The following ASCC3 variants were observed in gnomAD, a reference collection of about 807,000 sequenced individuals.
ASCC3 encodes the protein activating signal cointegrator 1 complex subunit 3.
Under a neutral mutation model 256.3 loss-of-function variants are expected in ASCC3, and 158 were observed. The observed-to-expected ratio is 0.62, with a 90% confidence interval of 0.54 to 0.70. The LOEUF (loss-of-function observed/expected upper bound fraction) is 0.70, where lower values mean the gene tolerates loss of function less well. ASCC3 is among the 30% of genes least tolerant of loss of function. ASCC3 has a pLI of 0.00. For missense variants in ASCC3, 2,259 were observed against 2,626.0 expected (o/e 0.86, Z 3.05); for synonymous variants, 948 against 883.4 (o/e 1.07, Z -1.30).
intron 13 of ASCC3, among the ~76,000 whole-genome samples, chr6:100,690,968 CTTTAATA>C (rs1480514618): frequency 6.6e-6 from 1 of 152,112 alleles, no homozygotes; most frequent in Non-Finnish European, 1.5e-5. Context: ...TTAAAAATCA[CTTTAATA>C]TTTATCAGCT....
At chr6:100,511,133 T>G (rs1472595890) in intron 40 of ASCC3, among the ~76,000 whole-genome samples, 1 of 152,190 alleles carries the variant, frequency 6.6e-6, no homozygotes, top group Non-Finnish European at 1.5e-5. Flanking sequence ...TGGAATACAT[T>G]AAGTCATCTA....
Position 100,625,187 on chromosome 6 carries a change from C to CT in ASCC3, c.4785+4dup. On this transcript the variant is annotated splice_donor_region_variant and intron_variant, in intron 30 of 41. Coordinates refer to ENST00000369162, the MANE Select transcript of ASCC3 (RefSeq NM_006828.4). ...AAGTAGTAGAAGATAAAATATGTTG[C>CT]TTACCTCTCTTTCATCCATGTTTAA... 2 of 1,612,204 alleles carry CT rather than the reference C, an allele frequency of 1.2e-6. No homozygotes were observed. Among genetic ancestry groups the CT allele is most frequent in the Non-Finnish European group, 1.7e-6 (2 of 1,178,754 alleles).
chr6:100,878,648 G>T (rs949632406), intron 1 of ASCC3, among the ~76,000 whole-genome samples: 1 of 152,158 alleles, frequency 6.6e-6, no homozygotes, highest in Admixed American at 6.5e-5. Context: ...GCCTAGCACA[G>T]ATTATGTCTG....
intron 37 of ASCC3, among the ~76,000 whole-genome samples, chr6:100,527,377 TTATC>T (rs1774628763): frequency 1.3e-5 from 2 of 152,318 alleles, no homozygotes; most frequent in South Asian, 4.1e-4. Flanking sequence ...ACACAAGACT[TTATC>T]TACCATTTGC....
chr6:100,707,563 CTATT>C (rs958190891), intron 13 of ASCC3, among the ~76,000 whole-genome samples: 7 of 151,840 alleles, frequency 4.6e-5, no homozygotes, highest in African/African-American at 9.7e-5. Flanking sequence ...TTGTATTAAT[CTATT>C]TATTTATTTG....
intron 36 of ASCC3, among the ~76,000 whole-genome samples, chr6:100,582,482 T>G (rs1771348157): frequency 6.6e-6 from 1 of 151,652 alleles, no homozygotes. Flanking sequence ...GAAGGAGATT[T>G]TGGGCTGAGA....
intron 36 of ASCC3, among the ~76,000 whole-genome samples, chr6:100,586,215 T>C (rs1039772353): frequency 2.0e-5 from 3 of 152,222 alleles, no homozygotes; most frequent in Admixed American, 1.3e-4. Flanking sequence ...GCAGGCCTCC[T>C]TGAGCTGTGG....
At chr6:100,825,790 T>C (rs1771275764) in intron 4 of ASCC3, among the ~76,000 whole-genome samples, 1 of 152,096 alleles carries the variant, frequency 6.6e-6, no homozygotes, top group East Asian at 1.9e-4. Context: ...TCTTGGAGGC[T>C]TTGTTTGTTC....
chr6:100,826,532 C>T (rs1582923026), intron 4 of ASCC3, among the ~76,000 whole-genome samples: 1 of 152,216 alleles, frequency 6.6e-6, no homozygotes, highest in East Asian at 1.9e-4. Context: ...TTTCTAAGTC[C>T]ACATTATGTC....
Position 100,606,941 on chromosome 6 carries a change from A to G in ASCC3, c.4923+10T>C. The G allele has an allele frequency of 8.1e-6, 13 of 1,613,250 alleles. No individual in the cohort carries two copies. Among genetic ancestry groups the G allele is most frequent in the Non-Finnish European group, 1.1e-5 (13 of 1,179,582 alleles). ...ATTTAAATATGTGTTCACTGGAGAA[A>G]AAAAAGTACCTGAACTTTACAGTTT... On this transcript the variant is annotated intron_variant, in intron 31 of 41. Transcript: ENST00000369162.
intron 38 of ASCC3, among the ~76,000 whole-genome samples, chr6:100,517,244 A>G (rs779507233): frequency 4.6e-5 from 7 of 152,088 alleles, no homozygotes; most frequent in Non-Finnish European, 1.0e-4. Flanking sequence ...CTGTGTCTAG[A>G]TGTCTCAAAT....
chr6:100,854,944 C>T (rs1040336523), intron 3 of ASCC3, among the ~76,000 whole-genome samples: 1 of 152,018 alleles, frequency 6.6e-6, no homozygotes, highest in African/African-American at 2.4e-5. Context: ...GTATTGCATC[C>T]ATATATCAGA....
chr6:100,533,046 CTGAT>C (rs1462231442), intron 37 of ASCC3, among the ~76,000 whole-genome samples: 1 of 151,618 alleles, frequency 6.6e-6, no homozygotes, highest in East Asian at 1.9e-4. Context: ...TGTTTTCAGA[CTGAT>C]TAATTCACAT....
At chr6:100,597,973 CAA>C (rs34634494) in intron 34 of ASCC3, among the ~76,000 whole-genome samples, 14,458 of 87,784 alleles carry the variant, frequency 0.16, 1,043 homozygotes, top group East Asian at 0.43. Flanking sequence ...GACTCCGTCT[CAA>C]AAAAAAAAAA....
chr6:100,626,111 A>G (rs190290207), intron 29 of ASCC3, among the ~76,000 whole-genome samples: 11 of 152,058 alleles, frequency 7.2e-5, no homozygotes, highest in African/African-American at 2.4e-4. Context: ...AAAGAGCCAC[A>G]TAAATCACTT....
intron 13 of ASCC3, among the ~76,000 whole-genome samples, chr6:100,705,800 C>G (rs575934415): frequency 6.6e-6 from 1 of 151,808 alleles, no homozygotes; most frequent in African/African-American, 2.4e-5. Context: ...TAACAGTTTA[C>G]GTACACAGCC....
At chr6:100,585,750 A>G (rs1045025921) in intron 36 of ASCC3, among the ~76,000 whole-genome samples, 1 of 151,900 alleles carries the variant, frequency 6.6e-6, no homozygotes, top group Non-Finnish European at 1.5e-5. Context: ...ATGTACAGAT[A>G]GGTTTTTGGT....
chr6:100,876,001 T>C (rs1443507603), intron 1 of ASCC3, among the ~76,000 whole-genome samples: 1 of 152,174 alleles, frequency 6.6e-6, no homozygotes, highest in Non-Finnish European at 1.5e-5. Flanking sequence ...GAGTTGATCA[T>C]GATTTTATCA....
intron 8 of ASCC3, among the ~76,000 whole-genome samples, chr6:100,771,941 A>T (rs1420186771): frequency 7.4e-6 from 1 of 135,010 alleles, no homozygotes; most frequent in South Asian, 2.3e-4. Flanking sequence ...TTGCAGAGGC[A>T]TGATCTCGGC....
Sources: allele counts gnomAD v4.1 joint callset (sites outside exome capture counted in the v4.1 genomes callset), GRCh38; gene constraint gnomAD v4.1.1; transcripts MANE v1.5; gene names NCBI Gene and HGNC (gene_info 2026-07-23, HGNC 2026-07-21).